RALGAPA1: variants seen among roughly 807,000 people sequenced by gnomAD.
RALGAPA1 encodes ral GTPase-activating protein subunit alpha-1.
RALGAPA1 carries 52 observed loss-of-function variants against 269.6 expected under a neutral mutation model. The ratio of observed to expected loss-of-function variants is 0.19; its 90% CI spans 0.15 to 0.24. The LOEUF is 0.24. Among genes scored for constraint, RALGAPA1 ranks in the 10% least tolerant of loss-of-function variants. The pLI, the probability that RALGAPA1 is intolerant of heterozygous loss-of-function variation, is 1.00. For missense variants in RALGAPA1, 1,917 were observed against 3,013.9 expected, an observed-to-expected ratio of 0.64 and a Z score of 8.52; for synonymous variants, 817 against 1,008.3, an observed-to-expected ratio of 0.81 and a Z score of 3.60.
At chr14:35,726,051 G>C (rs371986521) in intron 13 of RALGAPA1, among the ~76,000 whole-genome samples, 44 of 152,298 alleles carry the variant, frequency 2.9e-4, no homozygotes, top group African/African-American at 9.9e-4. Flanking sequence ...TCAGTTGGGT[G>C]TATCAGCCCA....
At chr14:35,638,579 A>C (rs1017325381) in intron 31 of RALGAPA1, among the ~76,000 whole-genome samples, 3 of 152,166 alleles carry the variant, frequency 2.0e-5, no homozygotes, top group South Asian at 2.1e-4. Flanking sequence ...AAGCCTGAAA[A>C]ACAACAAGAA....
chr14:35,627,304 G>T lies in RALGAPA1; in HGVS notation c.6643C>A (p.Gln2215Lys). 6.2e-7 allele frequency: 1 copy of T among 1,610,312 alleles called. No individual in the cohort carries two copies. Among genetic ancestry groups the T allele is most frequent in the Non-Finnish European group, 8.5e-7 (1 of 1,179,070 alleles). The change falls in exon 34 of 42, where the codon CAA (glutamine) becomes AAA (lysine). Residue 2215 changes from glutamine (Q) to lysine (K), a missense_variant. Gln to Lys is a moderately conservative substitution (Grantham distance 53, BLOSUM62 1). This residue lies in a region of RALGAPA1 where 132 missense variants were observed against 271.2 expected (regional missense o/e 0.49). Transcript: ENST00000680220. ...TGTTTTTCAGAAATGCACACAGGTT[G>T]TGGAGCAGGAATATTAAGTGAGATT... ...TGISLNIPAP[Q>K]PVCISEKQEN...
At chr14:35,690,152 T>A in intron 17 of RALGAPA1, 149 bp from the exon 18 acceptor site, 1 of 594,636 alleles carries the variant, frequency 1.7e-6, no homozygotes, top group Non-Finnish European at 2.7e-6. Flanking sequence ...CAAATCTGCT[T>A]TTTTAAAAAA....
intron 36 of RALGAPA1, among the ~76,000 whole-genome samples, chr14:35,603,968 A>T (rs187001588): frequency 3.3e-5 from 5 of 152,132 alleles, no homozygotes; most frequent in African/African-American, 1.2e-4. Context: ...ACAATAATAT[A>T]TTATGTCAGA....
chr14:35,701,486 G>A (rs116218007), intron 16 of RALGAPA1, among the ~76,000 whole-genome samples: 3,616 of 152,024 alleles, frequency 0.024, 127 homozygotes, highest in South Asian at 0.14. Flanking sequence ...CTGTCCTCCC[G>A]TGCTGCCGCC....
chr14:35,735,285 C>T (rs568361943), intron 12 of RALGAPA1, among the ~76,000 whole-genome samples: 29 of 152,252 alleles, frequency 1.9e-4, no homozygotes, highest in African/African-American at 7.0e-4. Context: ...GCACAACTTG[C>T]AACTGCAAAT....
intron 2 of RALGAPA1, among the ~76,000 whole-genome samples, chr14:35,775,352 T>C (rs1406136238): frequency 3.9e-5 from 6 of 152,174 alleles, no homozygotes; most frequent in Non-Finnish European, 7.3e-5. Flanking sequence ...ATGTGACATA[T>C]GCTCCTAGGG....
intron 31 of RALGAPA1, among the ~76,000 whole-genome samples, chr14:35,641,070 A>G (rs1765945315): frequency 6.6e-6 from 1 of 152,002 alleles, no homozygotes; most frequent in South Asian, 2.1e-4. Flanking sequence ...CCCCCACAAA[A>G]AAACTGGGAA....
At chr14:35,747,670 C>T (rs1410352227) in intron 10 of RALGAPA1, among the ~76,000 whole-genome samples, 1 of 152,122 alleles carries the variant, frequency 6.6e-6, no homozygotes, top group African/African-American at 2.4e-5. Context: ...AGGATGTGGG[C>T]ATTTTATTTG....
intron 2 of RALGAPA1, 30 bp downstream of exon 2, chr14:35,775,605 C>T: frequency 6.5e-7 from 1 of 1,546,988 alleles, no homozygotes; most frequent in South Asian, 1.3e-5. Context: ...GAAATATTAA[C>T]ATACGCCAAG....
chr14:35,797,266 T>C (rs1337472947), intron 1 of RALGAPA1, among the ~76,000 whole-genome samples: 1 of 146,796 alleles, frequency 6.8e-6, no homozygotes, highest in Non-Finnish European at 1.5e-5. Context: ...AGCAGGAGAA[T>C]CACTTGAACC....
At chr14:35,545,031 AAAAAAC>A (rs2054329419) in intron 41 of RALGAPA1, among the ~76,000 whole-genome samples, 1 of 152,208 alleles carries the variant, frequency 6.6e-6, no homozygotes, top group African/African-American at 2.4e-5. Flanking sequence ...TCTGTCTCAA[AAAAAAC>A]AAAAACAAAA....
chr14:35,702,115 CT>C (rs1224401245), intron 16 of RALGAPA1, among the ~76,000 whole-genome samples: 3 of 152,300 alleles, frequency 2.0e-5, no homozygotes, highest in South Asian at 4.1e-4. Context: ...ACCATATCCC[CT>C]GATCTTTGAA....
intron 12 of RALGAPA1, among the ~76,000 whole-genome samples, chr14:35,737,759 CAAAAAAAAAAAAAAAAAAAAA>C (rs60152249): frequency 5.2e-4 from 9 of 17,416 alleles, no homozygotes; most frequent in African/African-American, 1.7e-3. Flanking sequence ...AAATCCATCT[CAAAAAAAAAAAAAAAAAAAAA>C]AAAAAAAAAA....
At chr14:35,728,978 G>T (rs2070221299) in intron 12 of RALGAPA1, among the ~76,000 whole-genome samples, 1 of 151,846 alleles carries the variant, frequency 6.6e-6, no homozygotes, top group African/African-American at 2.4e-5. Flanking sequence ...CAAGTGATCT[G>T]CCCACCTTGG....
intron 27 of RALGAPA1, among the ~76,000 whole-genome samples, chr14:35,661,408 G>A (rs190099427): frequency 3.6e-3 from 550 of 152,172 alleles, no homozygotes; most frequent in African/African-American, 0.012. Flanking sequence ...AAATACAAGG[G>A]TAAAATATTG....
intron 41 of RALGAPA1, among the ~76,000 whole-genome samples, chr14:35,547,440 T>G (rs1594510689): frequency 6.6e-6 from 1 of 152,116 alleles, no homozygotes; most frequent in Non-Finnish European, 1.5e-5. Context: ...ACATGAGAAC[T>G]GAACAGCCTT....
chr14:35,634,131 A>G (rs1371125594), intron 33 of RALGAPA1, among the ~76,000 whole-genome samples: 2 of 152,154 alleles, frequency 1.3e-5, no homozygotes, highest in African/African-American at 4.8e-5. Flanking sequence ...AACTTCTAAG[A>G]ATAATTTAGC....
At chr14:35,808,301 C>T (rs980693507) in intron 1 of RALGAPA1, among the ~76,000 whole-genome samples, 1 of 152,128 alleles carries the variant, frequency 6.6e-6, no homozygotes, top group African/African-American at 2.4e-5. Flanking sequence ...ACTGCTACCT[C>T]CTTGTCTTCA....
Sources: gnomAD v4.1 joint callset for allele counts (sites outside exome capture counted in the v4.1 genomes callset) on GRCh38, gnomAD v4.1.1 for gene constraint, gnomAD v4.1.1 regional missense constraint, MANE v1.5 for transcripts, NCBI Gene and HGNC (gene_info 2026-07-23, HGNC 2026-07-21) for gene names.